Variants in RAP1GDS1 observed in about 807,000 individuals in gnomAD.
The protein encoded by RAP1GDS1 is Rap1 GTPase-GDP dissociation stimulator 1.
RAP1GDS1 carries 35 observed loss-of-function variants against 71.1 expected under a neutral mutation model. The ratio of observed to expected loss-of-function variants is 0.49; its 90% CI spans 0.38 to 0.65. The LOEUF (loss-of-function observed/expected upper bound fraction) is 0.65, where lower values mean the gene tolerates loss of function less well. RAP1GDS1 is among the 30% of genes least tolerant of loss of function. RAP1GDS1 has a pLI of 0.00. For missense variants in RAP1GDS1, 663 were observed against 706.1 expected (o/e 0.94, Z 0.69); for synonymous variants, 229 against 243.1 (o/e 0.94, Z 0.54).
At chr4:98,374,748 T>G (rs1740914557) in intron 4 of RAP1GDS1, among the ~76,000 whole-genome samples, 1 of 152,112 alleles carries the variant, frequency 6.6e-6, no homozygotes, top group Non-Finnish European at 1.5e-5. Context: ...TAGTCGGCCG[T>G]TCTTACTTTA....
chr4:98,352,481 A>G lies in RAP1GDS1; in HGVS notation c.241A>G (p.Met81Val), dbSNP rs764525858. The G allele has an allele frequency of 1.9e-5, 31 of 1,613,462 alleles. 1 individual carries two copies. In the South Asian group the frequency reaches 3.3e-4, roughly 17 times the overall value. The change falls in exon 4 of 15, where the codon ATG (methionine) becomes GTG (valine). Residue 81 changes from methionine (M) to valine (V), a missense_variant. By Grantham distance (21) the Met-to-Val change is conservative. Coordinates refer to ENST00000408927, the MANE Select transcript of RAP1GDS1 (RefSeq NM_001100427.2). ...AACATGTCTCTTATTTTCAGAGTTT[A>G]TGCGAATTCCATGTGTGGATGCTGG... ...IIAEVAKNEF[M>V]RIPCVDAGLI...
At chr4:98,275,488 T>A (rs1724074635) in intron 1 of RAP1GDS1, among the ~76,000 whole-genome samples, 1 of 152,184 alleles carries the variant, frequency 6.6e-6, no homozygotes. Flanking sequence ...AAATTTAAAT[T>A]TTATATAATT....
At chr4:98,376,766 A>G (rs894335878) in intron 4 of RAP1GDS1, among the ~76,000 whole-genome samples, 10 of 151,906 alleles carry the variant, frequency 6.6e-5, no homozygotes, top group African/African-American at 1.9e-4. Context: ...AATTTCTAGT[A>G]TACAGATTGT....
At chr4:98,335,061 G>T (rs1051116036) in intron 2 of RAP1GDS1, among the ~76,000 whole-genome samples, 5 of 152,090 alleles carry the variant, frequency 3.3e-5, no homozygotes, top group Non-Finnish European at 5.9e-5. Context: ...TGGTCCATCA[G>T]TTAAAAAATG....
At chr4:98,272,089 C>A (rs1345930432) in intron 1 of RAP1GDS1, among the ~76,000 whole-genome samples, 1 of 152,136 alleles carries the variant, frequency 6.6e-6, no homozygotes, top group Non-Finnish European at 1.5e-5. Flanking sequence ...CATAGGCTGA[C>A]AAGCTTTTTC....
chr4:98,293,382 T>C (rs1355612513), intron 1 of RAP1GDS1, 26 bp from the exon 2 acceptor site: 1 of 1,499,622 alleles, frequency 6.7e-7, no homozygotes, highest in African/African-American at 1.4e-5. Flanking sequence ...AGGTTGAGTT[T>C]CTGATTTTTT....
chr4:98,436,525 G>A (rs149840905), intron 13 of RAP1GDS1, among the ~76,000 whole-genome samples: 3 of 152,218 alleles, frequency 2.0e-5, no homozygotes, highest in East Asian at 3.9e-4. Flanking sequence ...TTTGTGGAGG[G>A]AATTATGTGA....
intron 2 of RAP1GDS1, among the ~76,000 whole-genome samples, chr4:98,321,329 C>T (rs1441102314): frequency 1.3e-5 from 2 of 148,908 alleles, no homozygotes; most frequent in Non-Finnish European, 3.0e-5. Flanking sequence ...AGAATGGAAC[C>T]AAGTTGGAAA....
At chr4:98,272,891 AAAC>A (rs1465045735) in intron 1 of RAP1GDS1, among the ~76,000 whole-genome samples, 3 of 152,116 alleles carry the variant, frequency 2.0e-5, no homozygotes, top group Admixed American at 6.6e-5. Flanking sequence ...CAACGCTTTA[AAAC>A]AACGATTTTT....
At chr4:98,329,544 C>CT (rs1329445031) in intron 2 of RAP1GDS1, among the ~76,000 whole-genome samples, 1 of 152,086 alleles carries the variant, frequency 6.6e-6, no homozygotes, top group Non-Finnish European at 1.5e-5. Context: ...AATCCCAACA[C>CT]TTTGGGAGGC....
chr4:98,320,050 T>C (rs1177721666), intron 2 of RAP1GDS1, among the ~76,000 whole-genome samples: 1 of 152,172 alleles, frequency 6.6e-6, no homozygotes, highest in Non-Finnish European at 1.5e-5. Flanking sequence ...TTGTCTTCTG[T>C]ATGATTTTCT....
intron 7 of RAP1GDS1, among the ~76,000 whole-genome samples, chr4:98,415,155 G>T (rs575426994): frequency 6.6e-6 from 1 of 152,172 alleles, no homozygotes; most frequent in Non-Finnish European, 1.5e-5. Context: ...TAGGCTCTCT[G>T]CAAGAAGAAG....
intron 5 of RAP1GDS1, among the ~76,000 whole-genome samples, chr4:98,382,767 A>G (rs1172082477): frequency 2.0e-5 from 3 of 151,618 alleles, no homozygotes; most frequent in Non-Finnish European, 4.4e-5. Context: ...AATTTTCATT[A>G]GCAAATTCAA....
intron 1 of RAP1GDS1, among the ~76,000 whole-genome samples, chr4:98,291,653 G>T (rs1726942431): frequency 6.6e-6 from 1 of 152,138 alleles, no homozygotes; most frequent in Non-Finnish European, 1.5e-5. Flanking sequence ...TCTATTTGTA[G>T]AGTCACAATG....
chr4:98,371,764 G>A (rs548139541), intron 4 of RAP1GDS1, among the ~76,000 whole-genome samples: 5 of 152,100 alleles, frequency 3.3e-5, no homozygotes, highest in East Asian at 3.9e-4. Context: ...GGCCAATACC[G>A]CTTTTTCTGA....
chr4:98,406,032 T>C (rs181257942), intron 7 of RAP1GDS1, among the ~76,000 whole-genome samples: 8 of 152,118 alleles, frequency 5.3e-5, no homozygotes, highest in Admixed American at 3.9e-4. Flanking sequence ...CTTTTAACTT[T>C]TAAGGTGACT....
intron 1 of RAP1GDS1, among the ~76,000 whole-genome samples, chr4:98,262,430 A>C (rs1333925312): frequency 6.6e-6 from 1 of 152,250 alleles, no homozygotes; most frequent in Non-Finnish European, 1.5e-5. Context: ...ATTTAAGAGC[A>C]AATATGTTTT....
chr4:98,292,359 C>T (rs1727090370), intron 1 of RAP1GDS1, among the ~76,000 whole-genome samples: 1 of 151,926 alleles, frequency 6.6e-6, no homozygotes, highest in African/African-American at 2.4e-5. Flanking sequence ...GTATCAAACT[C>T]CTAGCCTCAA....
rs1038262384 is a variant in RAP1GDS1, at chr4:98,442,226, G to A, written c.*109G>A. ...CATACCACTTGTGCATGCATGTGAT[G>A]TTCTAATACCAATTGAAGAACCGCT... On this transcript the variant is annotated 3_prime_UTR_variant, in exon 15 of 15. Coordinates refer to ENST00000408927, the MANE Select transcript of RAP1GDS1 (RefSeq NM_001100427.2). 2.1e-6 allele frequency: 3 copies of A among 1,435,078 alleles called. No homozygotes were observed. The highest frequency in any genetic ancestry group is 2.8e-5 in the South Asian group (2 of 70,506). The allele number at this position is 1,435,078 out of a possible 1,614,324, so 88.9% of individuals were successfully genotyped here.
Sources: allele counts gnomAD v4.1 joint callset (sites outside exome capture counted in the v4.1 genomes callset), GRCh38; gene constraint gnomAD v4.1.1; transcripts MANE v1.5; gene names NCBI Gene and HGNC (gene_info 2026-07-23, HGNC 2026-07-21).